Variants in CTCF observed in about 807,000 individuals in gnomAD.
The protein encoded by CTCF is CCCTC-binding factor.
Under a neutral mutation model 72.3 loss-of-function variants are expected in CTCF, and 7 were observed. The observed-to-expected ratio is 0.10, with a 90% CI of 0.06 to 0.18. The LOEUF (loss-of-function observed/expected upper bound fraction) is 0.18, where lower values mean the gene tolerates loss of function less well. Ranked by LOEUF, CTCF falls within the 10% of genes least tolerant of loss-of-function variation. CTCF has a pLI of 1.00. For synonymous variants in CTCF, 374 were observed against 315.8 expected (o/e 1.18, Z -1.95); for missense variants, 516 against 949.1 (o/e 0.54, Z 6.00).
At chr16:67,571,790 C>T (rs1183038663) in intron 2 of CTCF, among the ~76,000 whole-genome samples, 1 of 152,080 alleles carries the variant, frequency 6.6e-6, no homozygotes, top group Non-Finnish European at 1.5e-5. Context: ...AGCTCATTGC[C>T]CATTTTGCGT....
intron 2 of CTCF, among the ~76,000 whole-genome samples, chr16:67,602,798 G>A (rs1315627032): frequency 7.0e-6 from 1 of 143,088 alleles, no homozygotes; most frequent in Non-Finnish European, 1.5e-5. Flanking sequence ...CCGAGATTGC[G>A]CCATTGCACT....
intron 2 of CTCF, among the ~76,000 whole-genome samples, chr16:67,596,616 G>A (rs916402666): frequency 2.0e-5 from 3 of 150,752 alleles, no homozygotes; most frequent in African/African-American, 4.9e-5. Flanking sequence ...ACAGAGTCTC[G>A]CCCTGTCACC....
At chr16:67,568,110 C>T (rs1369445750) in intron 1 of CTCF, 1 of 151,132 alleles carries the variant, frequency 6.6e-6, no homozygotes, top group African/African-American at 2.4e-5. Flanking sequence ...AGATGGAGTT[C>T]ACTCTGTCTC....
At chr16:67,617,777 A>G (rs894543051) in intron 5 of CTCF, among the ~76,000 whole-genome samples, 1 of 152,244 alleles carries the variant, frequency 6.6e-6, no homozygotes, top group Admixed American at 6.5e-5. Flanking sequence ...TGGTAGGTTT[A>G]TCAATTTTAT....
At position 67,611,596 on chromosome 16, in the gene CTCF, C is replaced by G; in HGVS notation, c.764C>G (p.Thr255Arg). The change falls in exon 3 of 12, where the codon ACA becomes AGA. Residue 255 changes from threonine to arginine, a missense_variant. Transcript: ENST00000264010. The part of the protein sequence containing the change: ...VVGNMKPPKP[T>R]KIKKKGVKKT... ...GGTAATATGAAGCCTCCAAAGCCAA[C>G]AAAAATTAAAAAGAAAGGTAAAACG... is the stretch of plus-strand genomic sequence containing the variant. 1 of 1,606,294 alleles carries G rather than the reference C, an allele frequency of 6.2e-7. No homozygotes were observed. The highest frequency in any genetic ancestry group is 8.5e-7 in the Non-Finnish European group (1 of 1,177,932).
chr16:67,562,909 C>CCCCCCA (rs1567586501), intron 1 of CTCF, among the ~76,000 whole-genome samples, 185 bp downstream of exon 1: 2 of 132,154 alleles, frequency 1.5e-5, no homozygotes, highest in East Asian at 2.1e-4. Flanking sequence ...CCCGGCCGCC[C>CCCCCCA]CCCCCACCCC....
chr16:67,612,124 G>T lies in CTCF; in HGVS notation c.952+3G>T, dbSNP rs1244442090. On this transcript the variant is annotated splice_donor_region_variant and intron_variant, in intron 4 of 11. Coordinates refer to ENST00000264010, the MANE Select transcript of CTCF (RefSeq NM_006565.4). The stretch of plus-strand genomic sequence containing the variant: ...GAATCACCTTAACACACACACAGGT[G>T]CTGGATAAGAATGTTGGGGGCTACA... 2 of 1,609,170 alleles carry T rather than the reference G, an allele frequency of 1.2e-6. No individual in the cohort carries two copies. Among genetic ancestry groups the T allele is most frequent in the Non-Finnish European group, 1.7e-6 (2 of 1,177,492 alleles).
rs538926901 is a variant in CTCF at position 67,615,317 on chromosome 16, C to T, written c.953-1428C>T. On this transcript the variant is annotated intron_variant, in intron 4 of 11. Transcript: ENST00000264010. ...ACACGAGCATTTATTTTTTAGCTTA[C>T]TTTGTTCTAAAAGAAGACCAAGCAT... The T allele has an allele frequency of 5.9e-5, 9 of 152,216 alleles. No individual in the cohort carries two copies. The East Asian group carries it at 1.5e-3, about 26-fold the overall frequency. The allele number at this position is 152,216 out of a possible 1,614,324, so 9.4% of individuals were successfully genotyped here.
intron 7 of CTCF, among the ~76,000 whole-genome samples, chr16:67,622,706 T>A (rs1176013774): frequency 6.6e-6 from 1 of 150,420 alleles, no homozygotes; most frequent in East Asian, 1.9e-4. Context: ...TATGATGGCA[T>A]GAACTCAGCT....
chr16:67,565,582 AGAACCGCTC>A (rs2040224411), intron 1 of CTCF, among the ~76,000 whole-genome samples: 1 of 150,966 alleles, frequency 6.6e-6, no homozygotes, highest in Admixed American at 6.6e-5. Context: ...CTGAGACAGG[AGAACCGCTC>A]GAACCTAGAA....
At position 67,608,005 on chromosome 16, in the gene CTCF, C is replaced by T. The variant is rs191158353; in HGVS notation, c.-9-2819C>T. 5.9e-3 allele frequency among the ~76,000 whole-genome samples: 751 copies of T among 127,334 alleles called. 17 individuals are homozygous for T. Among genetic ancestry groups the T allele is most frequent in the Admixed American group, 0.04 (493 of 12,372 alleles). The allele number at this position is 127,334 out of a possible 152,430, so 83.5% of individuals were successfully genotyped here. ...TTGCACTCCAGCCTGGGCGACAGTG[C>T]GAGACTCCGACTCAAAAAAAAAAAA... On this transcript the variant is annotated intron_variant, in intron 2 of 11. Coordinates refer to ENST00000264010, the MANE Select transcript of CTCF (RefSeq NM_006565.4).
At chr16:67,619,572 G>A (rs1466937681) in intron 5 of CTCF, among the ~76,000 whole-genome samples, 1 of 151,996 alleles carries the variant, frequency 6.6e-6, no homozygotes, top group Non-Finnish European at 1.5e-5. Flanking sequence ...TGTTCAAAAC[G>A]CTTTTTGGAG....
At chr16:67,583,107 C>A (rs1467597806) in intron 2 of CTCF, among the ~76,000 whole-genome samples, 1 of 151,416 alleles carries the variant, frequency 6.6e-6, no homozygotes, top group Non-Finnish European at 1.5e-5. Flanking sequence ...GCCTCAACCT[C>A]CCAAGTAGCT....
chr16:67,596,089 G>A (rs1271042294), intron 2 of CTCF, among the ~76,000 whole-genome samples: 3 of 152,142 alleles, frequency 2.0e-5, no homozygotes, highest in Non-Finnish European at 4.4e-5. Flanking sequence ...GAGTAGCTGG[G>A]TCTATAGGTG....
chr16:67,597,498 AC>A lies in CTCF; in HGVS notation c.-9-13325del, dbSNP rs2142780722. On this transcript the variant is annotated intron_variant, in intron 2 of 11. Transcript: ENST00000264010. ...GGATTACAGGTGCCCGCCACTAAGC[AC>A]AGTTAATTTCTGTATTTTTAGTGGA... 2.0e-5 allele frequency among the ~76,000 whole-genome samples: 3 copies of A among 152,126 alleles called. No homozygotes were observed. In the East Asian group the frequency reaches 5.8e-4, roughly 29 times the overall value.
rs1474275924 is a variant in CTCF at position 67,626,634 on chromosome 16, C to T, written c.1437C>T (p.Arg479=). The change falls in exon 8 of 12, where the codon CGC becomes CGT. Residue 479 remains arginine (R), a synonymous_variant. Coordinates refer to ENST00000264010, the MANE Select transcript of CTCF (RefSeq NM_006565.4). ...ACTGTGATGCTGTGTTTCATGAGCG[C>T]TATGCCCTCATCCAGCATCAGAAGT... The part of the protein sequence containing the change: ...CRYCDAVFHE[R]YALIQHQKSH... 4.4e-6 allele frequency: 7 copies of T among 1,578,854 alleles called. No individual in the cohort carries two copies. The highest frequency in any genetic ancestry group is 1.4e-5 in the African/African-American group (1 of 73,396).
At chr16:67,613,591 A>G (rs922035345) in intron 4 of CTCF, among the ~76,000 whole-genome samples, 4 of 152,190 alleles carry the variant, frequency 2.6e-5, no homozygotes, top group African/African-American at 4.8e-5. Flanking sequence ...CCCGGCCAAC[A>G]TGGCAAAACC....
At chr16:67,603,745 A>T (rs1297752638) in intron 2 of CTCF, among the ~76,000 whole-genome samples, 1 of 151,586 alleles carries the variant, frequency 6.6e-6, no homozygotes, top group Non-Finnish European at 1.5e-5. Context: ...GAATGGCGTT[A>T]ACCCAGTAGG....
Position 67,638,388 on chromosome 16 carries a change from C to G in CTCF, c.*516C>G, listed in dbSNP as rs2052461816. The G allele has an allele frequency of 4.4e-6, 1 of 226,430 alleles. No individual in the cohort carries two copies. The highest frequency in any genetic ancestry group is 6.4e-5 in the East Asian group (1 of 15,660). 14.0% of individuals were successfully genotyped at this position (226,430 alleles called of 1,614,324 possible). ...TCAGGTTCTGTCCTGAAAGCTTTGC[C>G]TCTTTCTTGGCAAAGTTTCTGGTAT... is the stretch of plus-strand genomic sequence containing the variant. On this transcript the variant is annotated 3_prime_UTR_variant, in exon 12 of 12. Transcript: ENST00000264010.
Sources: allele counts gnomAD v4.1 joint callset (sites outside exome capture counted in the v4.1 genomes callset), GRCh38; gene constraint gnomAD v4.1.1; transcripts MANE v1.5; gene names NCBI Gene and HGNC (gene_info 2026-07-23, HGNC 2026-07-21).